The following FSHR variants were observed in gnomAD, a reference collection of about 807,000 sequenced individuals.
FSHR encodes the protein follicle-stimulating hormone receptor.
Under a neutral mutation model 52.1 loss-of-function variants are expected in FSHR, and 46 were observed. That is an observed-to-expected ratio of 0.88 (90% CI 0.70 to 1.13). FSHR has a LOEUF of 1.13. FSHR is among the 50% of genes most tolerant of loss of function. FSHR has a pLI of 0.00. For synonymous variants in FSHR, 399 were observed against 309.6 expected (o/e 1.29, Z -3.03); for missense variants, 964 against 834.6 (o/e 1.16, Z -1.91).
chr2:49,059,927 G>T (rs10865239), intron 2 of FSHR, among the ~76,000 whole-genome samples: 1 of 151,866 alleles, frequency 6.6e-6, no homozygotes, highest in Non-Finnish European at 1.5e-5. Context: ...GACAACCACA[G>T]AATGGGAGAA....
intron 8 of FSHR, among the ~76,000 whole-genome samples, chr2:48,974,818 A>G (rs1038939027): frequency 6.6e-6 from 1 of 152,190 alleles, no homozygotes; most frequent in African/African-American, 2.4e-5. Flanking sequence ...ACTTAACTAT[A>G]GTATATTCCC....
intron 1 of FSHR, among the ~76,000 whole-genome samples, chr2:49,100,742 A>C (rs1670996977): frequency 6.6e-6 from 1 of 152,220 alleles, no homozygotes; most frequent in African/African-American, 2.4e-5. Flanking sequence ...AGAATGTAGC[A>C]CTATCAATCT....
chr2:49,065,390 C>T (rs956715492), intron 2 of FSHR, among the ~76,000 whole-genome samples: 3 of 151,884 alleles, frequency 2.0e-5, no homozygotes, highest in African/African-American at 7.3e-5. Flanking sequence ...GAGAAGAGGA[C>T]TGGATATCAG....
chr2:49,096,782 A>T (rs1227417726), intron 1 of FSHR, among the ~76,000 whole-genome samples: 1 of 152,060 alleles, frequency 6.6e-6, no homozygotes, highest in Non-Finnish European at 1.5e-5. Context: ...TCACTGGTGA[A>T]TTTCTTATGA....
chr2:49,108,255 C>T (rs2103744825), intron 1 of FSHR, among the ~76,000 whole-genome samples: 1 of 152,274 alleles, frequency 6.6e-6, no homozygotes, highest in East Asian at 1.9e-4. Flanking sequence ...ACTGGAACTG[C>T]ACTACTGGCT....
chr2:49,083,252 A>T (rs200667776), intron 1 of FSHR, among the ~76,000 whole-genome samples: 25,971 of 136,524 alleles, frequency 0.19, 2,270 homozygotes, highest in African/African-American at 0.23. Flanking sequence ...ACTAAGCTTC[A>T]TAAGTGAAGG....
Position 48,968,752 on chromosome 2 carries a change from G to C in FSHR, c.800C>G (p.Ala267Gly). The C allele has an allele frequency of 5.0e-6, 8 of 1,614,148 alleles. No homozygotes were observed. The highest frequency in any genetic ancestry group is 5.1e-6 in the Non-Finnish European group (6 of 1,180,014). Residue 267 changes from alanine (A) to glycine (G), a missense_variant, in exon 9 of 10, where the codon GCC (alanine) becomes GGC (glycine). Transcript: ENST00000406846. ...GCAATGGCTGGGATAGGTGAGGCTGGCTTCCATGAGGGCGACAAGCTTTTC... is the reference window on the plus strand; with the variant it reads ...GCAATGGCTGGGATAGGTGAGGCTGCCTTCCATGAGGGCGACAAGCTTTTC... ...TLEKLVALME[A>G]SLTYPSHCCA...
intron 9 of FSHR, among the ~76,000 whole-genome samples, chr2:48,965,597 AAAGT>A (rs1160154716): frequency 1.3e-5 from 2 of 152,164 alleles, no homozygotes; most frequent in African/African-American, 4.8e-5. Flanking sequence ...CCAGGAAGAG[AAAGT>A]AAGTAACCTG....
chr2:49,062,331 A>T (rs1250955347), intron 2 of FSHR, among the ~76,000 whole-genome samples: 1 of 152,140 alleles, frequency 6.6e-6, no homozygotes, highest in Non-Finnish European at 1.5e-5. Flanking sequence ...AATCTCTTCA[A>T]TGAGTTGTGC....
chr2:49,089,263 G>A lies in FSHR; in HGVS notation c.153-20973C>T, dbSNP rs540068266. Among the ~76,000 whole-genome samples, 120 of 152,194 alleles carry A rather than the reference G, an allele frequency of 7.9e-4. 1 individual carries two copies. The highest frequency in any genetic ancestry group is 2.9e-3 in the Admixed American group (45 of 15,280). On this transcript the variant is annotated intron_variant, in intron 1 of 9. Coordinates refer to ENST00000406846, the MANE Select transcript of FSHR (RefSeq NM_000145.4). ...AAAATTTAATTTCCTCTGTAGGGAT[G>A]GAATGAAAGCATTTTCTTTTCAGCA...
intron 1 of FSHR, among the ~76,000 whole-genome samples, chr2:49,138,172 A>G (rs1372139256): frequency 6.6e-6 from 1 of 152,166 alleles, no homozygotes; most frequent in Admixed American, 6.5e-5. Context: ...ATGAAATAGC[A>G]CTTTATACTC....
chr2:49,102,247 G>C (rs1371570399), intron 1 of FSHR, among the ~76,000 whole-genome samples: 1 of 152,146 alleles, frequency 6.6e-6, no homozygotes, highest in East Asian at 1.9e-4. Context: ...AAGAAGTTGA[G>C]CTGTGGCAAT....
At chr2:49,084,877 C>T (rs1670315955) in intron 1 of FSHR, among the ~76,000 whole-genome samples, 1 of 151,918 alleles carries the variant, frequency 6.6e-6, no homozygotes, top group African/African-American at 2.4e-5. Context: ...AAAAAGAGTC[C>T]AGGACCAGAT....
chr2:49,031,190 T>G (rs1274292615), intron 2 of FSHR, among the ~76,000 whole-genome samples: 1 of 152,180 alleles, frequency 6.6e-6, no homozygotes, highest in Non-Finnish European at 1.5e-5. Context: ...GGGTACTGGC[T>G]CTGTGCGGAG....
intron 2 of FSHR, among the ~76,000 whole-genome samples, chr2:49,042,545 C>T (rs1250474088): frequency 6.6e-6 from 1 of 152,164 alleles, no homozygotes; most frequent in Non-Finnish European, 1.5e-5. Context: ...ATATTTTCTC[C>T]TCTATACAGG....
At chr2:49,072,705 G>A (rs563414356) in intron 1 of FSHR, among the ~76,000 whole-genome samples, 1 of 152,220 alleles carries the variant, frequency 6.6e-6, no homozygotes, top group East Asian at 1.9e-4. Flanking sequence ...GCAATTATAA[G>A]GTTAAGTTTC....
chr2:49,074,035 A>G (rs1161812874), intron 1 of FSHR, among the ~76,000 whole-genome samples: 4 of 152,070 alleles, frequency 2.6e-5, no homozygotes, highest in Admixed American at 2.6e-4. Context: ...TATAGAAATG[A>G]CCACAAAATG....
intron 1 of FSHR, among the ~76,000 whole-genome samples, chr2:49,098,896 T>A (rs1356904062): frequency 6.8e-6 from 1 of 146,832 alleles, no homozygotes. Context: ...ATTATACTTA[T>A]ATAAGTGTAT....
chr2:49,109,568 G>T (rs185026246), intron 1 of FSHR, among the ~76,000 whole-genome samples: 1 of 152,078 alleles, frequency 6.6e-6, no homozygotes, highest in African/African-American at 2.4e-5. Context: ...GAGTGGACTG[G>T]GGGGACAGTG....
Sources: gnomAD v4.1 joint callset for allele counts (sites outside exome capture counted in the v4.1 genomes callset) on GRCh38, gnomAD v4.1.1 for gene constraint, MANE v1.5 for transcripts, NCBI Gene and HGNC (gene_info 2026-07-23, HGNC 2026-07-21) for gene names.